The following MMS22L variants were observed in gnomAD, a reference collection of about 807,000 sequenced individuals.
MMS22L encodes MMS22 like, DNA repair protein.
MMS22L carries 74 observed loss-of-function variants against 159.1 expected under a neutral mutation model. The observed-to-expected ratio is 0.47, with a 90% confidence interval of 0.39 to 0.56. MMS22L has a LOEUF of 0.56. Among genes scored for constraint, MMS22L ranks in the 20% least tolerant of loss-of-function variants. The probability of loss-of-function intolerance (pLI) is 0.00; values close to 1 mark genes in which losing one functional copy is unlikely to be tolerated. For synonymous variants in MMS22L, 517 were observed against 506.9 expected (o/e 1.02, Z -0.27); for missense variants, 1,351 against 1,422.1 (o/e 0.95, Z 0.80).
At chr6:97,211,720 G>C (rs931700096) in intron 14 of MMS22L, among the ~76,000 whole-genome samples, 2 of 152,014 alleles carry the variant, frequency 1.3e-5, no homozygotes, top group Non-Finnish European at 2.9e-5. Context: ...TAGAAAAGTA[G>C]ATGTCAGAAG....
intron 9 of MMS22L, 59 bp from the exon 10 acceptor site, chr6:97,254,792 T>A: frequency 7.2e-7 from 1 of 1,395,350 alleles, no homozygotes; most frequent in Non-Finnish European, 9.6e-7. Context: ...TTTGATTTCG[T>A]GGTTTTTCTC....
At chr6:97,222,822 A>C (rs1019597375) in intron 14 of MMS22L, among the ~76,000 whole-genome samples, 2 of 152,088 alleles carry the variant, frequency 1.3e-5, no homozygotes, top group African/African-American at 2.4e-5. Flanking sequence ...GGAAATGCTG[A>C]CAGACCCTCA....
intron 11 of MMS22L, among the ~76,000 whole-genome samples, chr6:97,238,593 G>GTTTT (rs892304754): frequency 1.3e-5 from 2 of 150,334 alleles, no homozygotes; most frequent in African/African-American, 2.4e-5. Flanking sequence ...GTGTGTGTGT[G>GTTTT]TGTGTGTGTG....
chr6:97,242,656 T>TC (rs915807607), intron 11 of MMS22L, among the ~76,000 whole-genome samples: 10 of 152,180 alleles, frequency 6.6e-5, no homozygotes, highest in African/African-American at 2.4e-4. Context: ...GTGCCTTTTT[T>TC]CATTGTGTTA....
At chr6:97,176,001 T>G (rs1369610615) in intron 18 of MMS22L, among the ~76,000 whole-genome samples, 1 of 152,214 alleles carries the variant, frequency 6.6e-6, no homozygotes, top group African/African-American at 2.4e-5. Context: ...TGCTTTGGTA[T>G]GCAGCAAAAG....
At chr6:97,241,623 C>T (rs1387857029) in intron 11 of MMS22L, among the ~76,000 whole-genome samples, 1 of 152,042 alleles carries the variant, frequency 6.6e-6, no homozygotes, top group East Asian at 1.9e-4. Context: ...CTATTCATGT[C>T]CTTAGCCCAC....
intron 10 of MMS22L, among the ~76,000 whole-genome samples, chr6:97,249,113 C>T (rs1028068847): frequency 2.6e-5 from 4 of 152,112 alleles, no homozygotes; most frequent in African/African-American, 2.4e-5. Flanking sequence ...AAATCAGCCA[C>T]GTGAGCAATT....
At chr6:97,176,822 C>T (rs1311827483) in intron 18 of MMS22L, among the ~76,000 whole-genome samples, 2 of 152,130 alleles carry the variant, frequency 1.3e-5, no homozygotes, top group African/African-American at 4.8e-5. Context: ...CCTCATGCAT[C>T]TTTTCCTTTT....
Position 97,145,023 on chromosome 6 carries a change from C to CA in MMS22L, c.*1782_*1783insT, listed in dbSNP as rs1491479947. On this transcript the variant is annotated 3_prime_UTR_variant, in exon 25 of 25. Transcript: ENST00000683635. ...ATCAATCTCCTTTGGAAAAAAAAAA[C>CA]CCACACACACACACACACACACACA... 7.8e-5 allele frequency: 8 copies of CA among 102,434 alleles called. No homozygotes were observed. The highest frequency in any genetic ancestry group is 3.5e-4 in the South Asian group (1 of 2,858). 6.3% of individuals were successfully genotyped at this position (102,434 alleles called of 1,614,324 possible).
chr6:97,247,168 T>C (rs1294248593), intron 10 of MMS22L, among the ~76,000 whole-genome samples: 1 of 152,086 alleles, frequency 6.6e-6, no homozygotes. Context: ...AGAAAATAAA[T>C]TGACAACCTC....
At chr6:97,237,136 G>T (rs1811506788) in intron 11 of MMS22L, among the ~76,000 whole-genome samples, 1 of 152,094 alleles carries the variant, frequency 6.6e-6, no homozygotes. Context: ...AAAATGAAAA[G>T]TGAAAAGCTG....
intron 14 of MMS22L, among the ~76,000 whole-genome samples, chr6:97,202,758 T>C (rs554965362): frequency 6.6e-6 from 1 of 152,282 alleles, no homozygotes; most frequent in African/African-American, 2.4e-5. Context: ...ACTCTTACAC[T>C]TGAAGGTTTA....
chr6:97,149,962 T>C lies in MMS22L; in HGVS notation c.3541A>G (p.Thr1181Ala), dbSNP rs1562387522. The C allele has an allele frequency of 5.0e-6, 8 of 1,613,704 alleles. No individual in the cohort carries two copies. Among genetic ancestry groups the C allele is most frequent in the Non-Finnish European group, 6.8e-6 (8 of 1,179,772 alleles). Residue 1181 changes from threonine to alanine, a missense_variant, in exon 24 of 25, where the codon ACA (threonine) becomes GCA (alanine). Physicochemically the swap from Thr to Ala is moderately conservative, Grantham distance 58 (BLOSUM62 0). Transcript: ENST00000683635. ...ACCTGCTGGTCCAATGTTGCTACTGTTTCTAAAATGCTGTAAACCTGGTAA... is the reference window on the plus strand; with the variant it reads ...ACCTGCTGGTCCAATGTTGCTACTGCTTCTAAAATGCTGTAAACCTGGTAA... ...YYYQVYSILETVATLDQQVVI... is the reference protein window; with the variant it reads ...YYYQVYSILEAVATLDQQVVI...
intron 21 of MMS22L, among the ~76,000 whole-genome samples, chr6:97,164,153 G>C (rs1802725735): frequency 6.6e-6 from 1 of 151,714 alleles, no homozygotes; most frequent in Non-Finnish European, 1.5e-5. Context: ...AAGAGAAATA[G>C]GAAAAGGAGG....
rs1320160963 is a variant in MMS22L at position 97,263,316 on chromosome 6, C to T, written c.942+19G>A. The T allele has an allele frequency of 1.4e-6, 2 of 1,417,806 alleles. No individual in the cohort carries two copies. The highest frequency in any genetic ancestry group is 1.2e-5 in the South Asian group (1 of 81,494). The allele number at this position is 1,417,806 out of a possible 1,614,324, so 87.8% of individuals were successfully genotyped here. The stretch of plus-strand genomic sequence containing the variant: ...TAAAGGTTAGTAACAATAACCAACA[C>T]ATCAATTTTCCAACTTACTTCCGAG... On this transcript the variant is annotated intron_variant, in intron 9 of 24. Coordinates refer to ENST00000683635, the MANE Select transcript of MMS22L (RefSeq NM_001350599.2).
Position 97,165,358 on chromosome 6 carries a change from C to G in MMS22L, c.3109G>C (p.Ala1037Pro). The G allele has an allele frequency of 6.2e-7, 1 of 1,613,376 alleles. No individual in the cohort carries two copies. The highest frequency in any genetic ancestry group is 2.2e-5 in the East Asian group (1 of 44,838). ...IEQYIGRFLP[A>P]SPYVSDLGQH... The stretch of plus-strand genomic sequence containing the variant: ...CCAAGATCTGAAACATATGGTGAAG[C>G]TGGAAGAAATCGCCCAATATACTGC... The change falls in exon 21 of 25, where the codon GCT (alanine) becomes CCT (proline). Residue 1037 changes from alanine to proline, a missense_variant. Ala to Pro is a conservative substitution (Grantham distance 27). Transcript: ENST00000683635.
At chr6:97,185,442 AAGAC>A (rs1260140791) in intron 15 of MMS22L, among the ~76,000 whole-genome samples, 1 of 152,158 alleles carries the variant, frequency 6.6e-6, no homozygotes, top group Non-Finnish European at 1.5e-5. Context: ...TTCAGCATCT[AAGAC>A]AGCACTGACT....
chr6:97,245,923 A>G (rs550682206), intron 11 of MMS22L: 1 of 251,426 alleles, frequency 4.0e-6, no homozygotes, highest in Non-Finnish European at 7.9e-6. Flanking sequence ...AATATTTTTT[A>G]TTCCTCTTCA....
chr6:97,150,055 T>C lies in MMS22L; in HGVS notation c.3483-35A>G, dbSNP rs746528030. On this transcript the variant is annotated intron_variant, in intron 23 of 24. Coordinates refer to ENST00000683635, the MANE Select transcript of MMS22L (RefSeq NM_001350599.2). ...AAACAGGTTTATTTAGGATTACTCC[T>C]GGGGCAATTCCTTGTGTTGGTATCT... is the stretch of plus-strand genomic sequence containing the variant. 1.6e-5 allele frequency: 25 copies of C among 1,579,622 alleles called. No homozygotes were observed. In the Admixed American group the frequency reaches 3.4e-4, roughly 22 times the overall value.
Sources: allele counts gnomAD v4.1 joint callset (sites outside exome capture counted in the v4.1 genomes callset), GRCh38; gene constraint gnomAD v4.1.1; transcripts MANE v1.5; gene names NCBI Gene and HGNC (gene_info 2026-07-23, HGNC 2026-07-21).